The following VDAC1 variants were observed in gnomAD, a reference collection of about 807,000 sequenced individuals.
The protein encoded by VDAC1 is non-selective voltage-gated ion channel VDAC1.
A neutral mutation model predicts 34.7 loss-of-function variants in VDAC1; 10 were observed. The observed-to-expected ratio is 0.29, with a 90% CI of 0.18 to 0.49. The LOEUF (loss-of-function observed/expected upper bound fraction) is 0.49. VDAC1 is among the 20% of genes least tolerant of loss of function. VDAC1 has a pLI of 0.99. For missense variants in VDAC1, 230 were observed against 347.9 expected (o/e 0.66, Z 2.69); for synonymous variants, 130 against 136.0 (o/e 0.96, Z 0.30).
At chr5:134,097,555 G>A in the VDAC1 span, among the ~76,000 whole-genome samples, 3 of 152,356 alleles carry the variant, frequency 2.0e-5, no homozygotes, top group African/African-American at 7.2e-5. Flanking sequence ...ACAGGCGTAG[G>A]GGAGCCTCTT....
At chr5:133,989,028 A>G (rs1753004419) in intron 5 of VDAC1, 1 of 152,264 alleles carries the variant, frequency 6.6e-6, no homozygotes, top group African/African-American at 2.4e-5. Context: ...GAGAGTGCAC[A>G]GCACTGCAAA....
chr5:134,039,427 C>T, the VDAC1 span, among the ~76,000 whole-genome samples: 1 of 152,174 alleles, frequency 6.6e-6, no homozygotes, highest in African/African-American at 2.4e-5. Flanking sequence ...CTCCTGGGTT[C>T]TGGCCATTCT....
chr5:133,981,729 C>A (rs2126926971), intron 5 of VDAC1, among the ~76,000 whole-genome samples: 1 of 152,344 alleles, frequency 6.6e-6, no homozygotes, highest in Non-Finnish European at 1.5e-5. Context: ...ATTACCATGT[C>A]TTTTACCAAA....
chr5:134,090,922 A>T, the VDAC1 span, among the ~76,000 whole-genome samples: 2 of 152,212 alleles, frequency 1.3e-5, no homozygotes, highest in Admixed American at 6.5e-5. Flanking sequence ...CCTTCTGAGC[A>T]TGCTCAGATC....
At chr5:134,097,382 C>T in the VDAC1 span, among the ~76,000 whole-genome samples, 1 of 152,206 alleles carries the variant, frequency 6.6e-6, no homozygotes, top group African/African-American at 2.4e-5. Context: ...CTCTGTTTGC[C>T]TCTAACTTAT....
chr5:133,981,753 G>C (rs1045502825), intron 5 of VDAC1, among the ~76,000 whole-genome samples: 1 of 152,186 alleles, frequency 6.6e-6, no homozygotes, highest in African/African-American at 2.4e-5. Context: ...ACACACTGGA[G>C]AACAAGATCA....
chr5:134,022,586 C>T, the VDAC1 span, among the ~76,000 whole-genome samples: 1 of 152,186 alleles, frequency 6.6e-6, no homozygotes, highest in African/African-American at 2.4e-5. Context: ...TCCTACCTCC[C>T]CGCAATGGAA....
chr5:134,108,653 G>C, the VDAC1 span, among the ~76,000 whole-genome samples: 2,993 of 152,236 alleles, frequency 0.02, 106 homozygotes, highest in African/African-American at 0.068. Flanking sequence ...CTAGGAGAGA[G>C]GGCAGACAGG....
chr5:134,031,841 C>T, the VDAC1 span, among the ~76,000 whole-genome samples: 8 of 151,086 alleles, frequency 5.3e-5, no homozygotes, highest in Admixed American at 2.7e-4. Context: ...ATCCCAGCTA[C>T]TTGGGAGGCT....
chr5:134,081,142 A>C, the VDAC1 span, among the ~76,000 whole-genome samples: 1 of 151,538 alleles, frequency 6.6e-6, no homozygotes, highest in Non-Finnish European at 1.5e-5. Context: ...GGTTCAAGTG[A>C]TTCTCCTGCC....
chr5:134,095,638 C>G, the VDAC1 span, among the ~76,000 whole-genome samples: 1 of 152,004 alleles, frequency 6.6e-6, no homozygotes, highest in Non-Finnish European at 1.5e-5. Context: ...CTATACCTAA[C>G]GTTGCCATCC....
chr5:134,071,113 A>G, the VDAC1 span, among the ~76,000 whole-genome samples: 1 of 152,116 alleles, frequency 6.6e-6, no homozygotes, highest in Non-Finnish European at 1.5e-5. This position sits in a 1 kb window ranked among gnomAD's most constrained non-coding sequence, Gnocchi z 4.1. Flanking sequence ...AACCCAACAC[A>G]CCTCGACCCC....
chr5:134,111,027 T>C, the VDAC1 span, among the ~76,000 whole-genome samples: 3 of 152,238 alleles, frequency 2.0e-5, no homozygotes. Context: ...ACCAGGCTGC[T>C]GTTCTAAGCT....
At chr5:133,990,336 C>A (rs550878282) in intron 5 of VDAC1, among the ~76,000 whole-genome samples, 66 of 152,300 alleles carry the variant, frequency 4.3e-4, no homozygotes, top group Non-Finnish European at 6.8e-4. Context: ...ACCAGTTAGG[C>A]CCTGCTTCCA....
the VDAC1 span, among the ~76,000 whole-genome samples, chr5:134,013,361 G>C: frequency 2.6e-5 from 4 of 152,174 alleles, no homozygotes; most frequent in Admixed American, 2.6e-4. Context: ...CTTGAGTCCA[G>C]GAGGTCGAGG....
chr5:134,079,778 C>A, the VDAC1 span, among the ~76,000 whole-genome samples: 11 of 152,172 alleles, frequency 7.2e-5, no homozygotes, highest in Non-Finnish European at 1.5e-4. Flanking sequence ...TTGCTTTTGG[C>A]GGAGGCATCT....
the VDAC1 span, among the ~76,000 whole-genome samples, chr5:134,032,015 G>C: frequency 1.3e-5 from 2 of 148,210 alleles, no homozygotes; most frequent in Admixed American, 1.4e-4. Flanking sequence ...TGTAGTCCCA[G>C]CTACTTGGGA....
chr5:134,073,818 T>G, the VDAC1 span, among the ~76,000 whole-genome samples: 4 of 152,220 alleles, frequency 2.6e-5, no homozygotes, highest in Non-Finnish European at 5.9e-5. Flanking sequence ...CTTGTGTGTG[T>G]GTGTGTGTGT....
At chr5:134,036,887 AG>A in the VDAC1 span, among the ~76,000 whole-genome samples, 4 of 151,904 alleles carry the variant, frequency 2.6e-5, no homozygotes, top group Non-Finnish European at 5.9e-5. Flanking sequence ...CAGGAGGTGG[AG>A]CTTGTAATGA....
Sources: allele counts gnomAD v4.1 joint callset (sites outside exome capture counted in the v4.1 genomes callset), GRCh38; gene constraint gnomAD v4.1.1; non-coding constraint Gnocchi (gnomAD v3.1); transcripts MANE v1.5; gene names NCBI Gene and HGNC (gene_info 2026-07-23, HGNC 2026-07-21).